The following RELN variants were observed in gnomAD, a reference collection of about 807,000 sequenced individuals.
RELN encodes the protein reelin.
RELN carries 108 observed loss-of-function variants against 427.6 expected under a neutral mutation model. The observed-to-expected ratio is 0.25, with a 90% CI of 0.22 to 0.30. RELN has a LOEUF of 0.30. RELN is among the 10% of genes least tolerant of loss of function. RELN has a pLI of 1.00. For missense variants in RELN, 3,715 were observed against 4,302.8 expected (o/e 0.86, Z 3.82); for synonymous variants, 1,524 against 1,513.4 (o/e 1.01, Z -0.16).
At chr7:103,511,100 A>G (rs911574408) in intron 50 of RELN, 95 bp from the exon 51 acceptor site, 7 of 826,320 alleles carry the variant, frequency 8.5e-6, no homozygotes, top group Non-Finnish European at 1.4e-5. Flanking sequence ...TATTTTAAGT[A>G]GAAACTGCTC....
intron 3 of RELN, among the ~76,000 whole-genome samples, chr7:103,798,071 T>C (rs1006945041): frequency 1.3e-5 from 2 of 152,240 alleles, no homozygotes; most frequent in African/African-American, 4.8e-5. Flanking sequence ...CTCCGTACTC[T>C]TGGGAGTTAG....
intron 8 of RELN, among the ~76,000 whole-genome samples, chr7:103,710,374 G>A (rs546384508): frequency 8.5e-5 from 13 of 152,254 alleles, no homozygotes; most frequent in South Asian, 2.1e-4. Context: ...ATACAGCTAC[G>A]TAGTTTACTT....
intron 28 of RELN, among the ~76,000 whole-genome samples, chr7:103,588,589 G>A (rs1053234812): frequency 1.3e-5 from 2 of 152,054 alleles, no homozygotes; most frequent in Non-Finnish European, 2.9e-5. Context: ...TATTTCACAT[G>A]TACTCTGACA....
chr7:103,628,336 C>T (rs1287820725), intron 20 of RELN: 1 of 152,204 alleles, frequency 6.6e-6, no homozygotes, highest in South Asian at 2.1e-4. Flanking sequence ...GTTGAGATCG[C>T]ACCATTGCAC....
chr7:103,891,961 G>C (rs948604153), intron 2 of RELN, among the ~76,000 whole-genome samples: 7 of 152,074 alleles, frequency 4.6e-5, no homozygotes, highest in East Asian at 1.9e-4. Context: ...TCGTATGTAG[G>C]GTAAGAGGAA....
chr7:103,643,334 A>G (rs1832731748), intron 16 of RELN, among the ~76,000 whole-genome samples: 1 of 152,056 alleles, frequency 6.6e-6, no homozygotes, highest in Non-Finnish European at 1.5e-5. Flanking sequence ...GCTCTCTGAA[A>G]ATAGGAATGC....
At chr7:103,972,730 G>A (rs1166796730) in intron 1 of RELN, among the ~76,000 whole-genome samples, 2 of 152,206 alleles carry the variant, frequency 1.3e-5, no homozygotes, top group Non-Finnish European at 2.9e-5. Flanking sequence ...GAAAGGGTGA[G>A]AAGAGAACTG....
At chr7:103,811,474 C>T (rs917554562) in intron 3 of RELN, among the ~76,000 whole-genome samples, 1 of 152,160 alleles carries the variant, frequency 6.6e-6, no homozygotes, top group Non-Finnish European at 1.5e-5. Context: ...ATATCAAAAA[C>T]TACAGTTGCA....
intron 1 of RELN, among the ~76,000 whole-genome samples, chr7:103,926,099 C>A (rs1174043148): frequency 1.1e-5 from 1 of 90,074 alleles, no homozygotes; most frequent in African/African-American, 4.4e-5. Context: ...CCCACCCCGC[C>A]TTTTTTTTTT....
At chr7:103,531,820 A>G (rs965646960) in intron 46 of RELN, among the ~76,000 whole-genome samples, 2 of 152,208 alleles carry the variant, frequency 1.3e-5, no homozygotes, top group African/African-American at 4.8e-5. Context: ...AGTTGTGGAG[A>G]AAAAGGAATG....
chr7:103,815,561 G>T (rs1166720951), intron 3 of RELN, among the ~76,000 whole-genome samples: 1 of 152,090 alleles, frequency 6.6e-6, no homozygotes, highest in African/African-American at 2.4e-5. Flanking sequence ...TCAAATACTG[G>T]ACATTTTGAC....
intron 1 of RELN, among the ~76,000 whole-genome samples, chr7:103,919,163 A>C (rs895194050): frequency 7.6e-6 from 1 of 131,532 alleles, no homozygotes; most frequent in African/African-American, 2.9e-5. Flanking sequence ...TTTTAGAAAG[A>C]GGAGGAAATG....
chr7:103,960,885 T>C (rs751239419), intron 1 of RELN, among the ~76,000 whole-genome samples: 2 of 152,220 alleles, frequency 1.3e-5, no homozygotes, highest in Non-Finnish European at 2.9e-5. Flanking sequence ...TTTAAGGTGT[T>C]TTCCTCACAT....
At chr7:103,690,787 C>A (rs747538931) in intron 10 of RELN, among the ~76,000 whole-genome samples, 1 of 152,054 alleles carries the variant, frequency 6.6e-6, no homozygotes, top group Non-Finnish European at 1.5e-5. Flanking sequence ...TAAAGCCCTA[C>A]CTCCTTGATA....
chr7:103,739,602 T>G (rs1790588322), intron 6 of RELN, among the ~76,000 whole-genome samples: 1 of 152,240 alleles, frequency 6.6e-6, no homozygotes, highest in South Asian at 2.1e-4. Flanking sequence ...CAGGGTAAAG[T>G]GCAGAAGCTT....
At position 103,611,622 on chromosome 7, in the gene RELN, G is replaced by C. The variant is rs1238548007; in HGVS notation, c.2884C>G (p.Leu962Val). 1.2e-6 allele frequency: 2 copies of C among 1,613,410 alleles called. No individual in the cohort carries two copies. The highest frequency in any genetic ancestry group is 1.3e-5 in the African/African-American group (1 of 74,858). The change falls in exon 21 of 65, where the codon CTC (leucine) becomes GTC (valine). Residue 962 changes from leucine (L) to valine (V), a missense_variant. Physicochemically the swap from Leu to Val is conservative, Grantham distance 32. This residue lies in a region of RELN where 2,208 missense variants were observed against 2,361.7 expected (regional missense o/e 0.93). Coordinates refer to ENST00000428762, the MANE Select transcript of RELN (RefSeq NM_005045.4). Reference sequence around the variant, plus strand: ...GAAACTAGACTTACTTCTTGGACGAGGTGCCAGGTAAGGCCGTGGTTGGTT... The same window carrying C: ...GAAACTAGACTTACTTCTTGGACGACGTGCCAGGTAAGGCCGTGGTTGGTT... Reference protein sequence around the residue: ...YSTNHGLTWHLVQEECLPSMP... With the variant: ...YSTNHGLTWHVVQEECLPSMP...
Position 103,940,196 on chromosome 7 carries a change from A to G in RELN, c.227-23011T>C, listed in dbSNP as rs890768312. Among the ~76,000 whole-genome samples the G allele has an allele frequency of 3.9e-5, 6 of 152,158 alleles. No individual in the cohort carries two copies. The East Asian group carries it at 9.6e-4, about 24-fold the overall frequency. ...GAGGAAGGCTCATCTGGAAAGCAAA[A>G]GCGCTCCAAGACCAAGTTTCACTAC... On this transcript the variant is annotated intron_variant, in intron 1 of 64. Transcript: ENST00000428762.
At chr7:103,942,002 TA>T (rs1241166061) in intron 1 of RELN, among the ~76,000 whole-genome samples, 7 of 151,482 alleles carry the variant, frequency 4.6e-5, no homozygotes, top group Non-Finnish European at 8.8e-5. Flanking sequence ...AGTATTAGCA[TA>T]GTTTTAAGAA....
chr7:103,521,299 T>C (rs60513369), intron 48 of RELN, among the ~76,000 whole-genome samples: 7,203 of 152,294 alleles, frequency 0.047, 249 homozygotes, highest in East Asian at 0.18. Context: ...TTTTAAAACA[T>C]TAATTTGTCT....
Sources: allele counts gnomAD v4.1 joint callset (sites outside exome capture counted in the v4.1 genomes callset), GRCh38; gene constraint gnomAD v4.1.1; regional missense constraint gnomAD v4.1.1; transcripts MANE v1.5; gene names NCBI Gene and HGNC (gene_info 2026-07-23, HGNC 2026-07-21).